The following PTPDC1 variants were observed in gnomAD, a reference collection of about 807,000 sequenced individuals.
PTPDC1 encodes protein tyrosine phosphatase domain-containing protein 1.
In PTPDC1, 53 loss-of-function variants were observed where a neutral mutation model predicts 75.3. The observed-to-expected ratio is 0.70, with a 90% CI of 0.56 to 0.88. PTPDC1 has a LOEUF of 0.88. Ranked by LOEUF, PTPDC1 falls within the 40% of genes least tolerant of loss-of-function variation. The probability of loss-of-function intolerance (pLI) is 0.00; values close to 1 mark genes in which losing one functional copy is unlikely to be tolerated. For missense variants in PTPDC1, 925 were observed against 998.6 expected (o/e 0.93, Z 0.99); for synonymous variants, 349 against 366.2 (o/e 0.95, Z 0.54).
Position 94,034,269 on chromosome 9 carries a change from C to T in PTPDC1, c.-7+3142C>T, listed in dbSNP as rs147734122. Among the ~76,000 whole-genome samples the T allele has an allele frequency of 4.2e-3, 639 of 152,226 alleles. 5 individuals carry two copies. The highest frequency in any genetic ancestry group is 6.6e-3 in the Admixed American group (101 of 15,276). Reference sequence around the variant, plus strand: ...ATTTGTGGCCAAGCACAGTGGTTCACGCCTGTAATTCCAGCACTTTGGGAG... The same window carrying T: ...ATTTGTGGCCAAGCACAGTGGTTCATGCCTGTAATTCCAGCACTTTGGGAG... On this transcript the variant is annotated intron_variant, in intron 1 of 9. Coordinates refer to the PTPDC1 transcript ENST00000375360.
At chr9:94,059,511 T>A (rs1430292889) in intron 1 of PTPDC1, among the ~76,000 whole-genome samples, 2 of 152,092 alleles carry the variant, frequency 1.3e-5, no homozygotes, top group African/African-American at 4.8e-5. Flanking sequence ...ACAGAGATAA[T>A]CAGAAGACAA....
At chr9:94,091,773 T>G (rs1271194835) in intron 4 of PTPDC1, among the ~76,000 whole-genome samples, 1 of 152,194 alleles carries the variant, frequency 6.6e-6, no homozygotes, top group Non-Finnish European at 1.5e-5. Flanking sequence ...CTGTTATTGG[T>G]CTATTCAGAG....
At chr9:94,088,027 T>G in intron 3 of PTPDC1, 116 bp downstream of exon 3, 1 of 1,461,036 alleles carries the variant, frequency 6.8e-7, no homozygotes. Context: ...GAAGAGTGTA[T>G]TTCAAATGAG....
At chr9:94,057,224 A>G (rs894596131) in intron 1 of PTPDC1, among the ~76,000 whole-genome samples, 1 of 151,962 alleles carries the variant, frequency 6.6e-6, no homozygotes, top group Non-Finnish European at 1.5e-5. Context: ...GACTACAGAC[A>G]TGTGCTACCA....
chr9:94,035,646 A>G (rs1387135066), intron 1 of PTPDC1, among the ~76,000 whole-genome samples: 1 of 152,246 alleles, frequency 6.6e-6, no homozygotes, highest in Non-Finnish European at 1.5e-5. Context: ...AAACGTGGGC[A>G]TGCAGACATC....
intron 1 of PTPDC1, among the ~76,000 whole-genome samples, chr9:94,036,480 C>T (rs4744308): frequency 0.57 from 87,225 of 151,856 alleles, 25,418 homozygotes; most frequent in Admixed American, 0.69. Context: ...ACTCTTGGCA[C>T]CTTTGTCAAA....
chr9:94,066,840 G>A (rs969977383), intron 2 of PTPDC1, among the ~76,000 whole-genome samples: 1 of 151,674 alleles, frequency 6.6e-6, no homozygotes, highest in Non-Finnish European at 1.5e-5. Flanking sequence ...TTACAGAAGT[G>A]AGCCACCATG....
At chr9:94,093,516 C>T (rs10821292) in intron 4 of PTPDC1, among the ~76,000 whole-genome samples, 60,538 of 146,796 alleles carry the variant, frequency 0.41, 12,650 homozygotes, top group Admixed American at 0.52. Context: ...CTGCCCTTAA[C>T]ATTTTTTCCT....
In PTPDC1 at chr9:94,105,283, A is replaced by G. The variant is rs1474874733; in HGVS notation, c.2310+898A>G. On this transcript the variant is annotated intron_variant, in intron 8 of 8. Coordinates refer to ENST00000620992, the MANE Select transcript of PTPDC1 (RefSeq NM_001253829.2). ...CTGTTTCCAGAGTCAGTAGTCTCAA[A>G]TCCAAACCGCGTGGTCCTTTACATC... is the stretch of plus-strand genomic sequence containing the variant. 2.6e-5 allele frequency among the ~76,000 whole-genome samples: 4 copies of G among 152,280 alleles called. No individual in the cohort carries two copies. The East Asian group carries it at 7.7e-4, about 29-fold the overall frequency.
intron 1 of PTPDC1, among the ~76,000 whole-genome samples, chr9:94,045,685 A>G (rs1440722430): frequency 6.6e-6 from 1 of 151,986 alleles, no homozygotes; most frequent in Non-Finnish European, 1.5e-5. Flanking sequence ...ACTTTTTGAC[A>G]GGGTTGTTTG....
intron 2 of PTPDC1, among the ~76,000 whole-genome samples, chr9:94,072,521 TA>T (rs1826546006): frequency 6.8e-6 from 1 of 146,188 alleles, no homozygotes; most frequent in South Asian, 2.1e-4. Flanking sequence ...CATATGCTGT[TA>T]TTTTTTTTTT....
At position 94,095,396 on chromosome 9, in the gene PTPDC1, A is replaced by G; in HGVS notation, c.696A>G (p.Thr232=). The change falls in exon 5 of 9, where the codon ACA becomes ACG. Residue 232 remains threonine (T), a synonymous_variant. Transcript: ENST00000620992. The part of the protein sequence containing the change: ...TTILDMVKVM[T]FALQEGKVAI... ...TCCTAGATATGGTGAAGGTGATGAC[A>G]TTTGCCTTACAGGAAGGAAAAGTAG... 1 of 1,613,282 alleles carries G rather than the reference A, an allele frequency of 6.2e-7. No homozygotes were observed. Among genetic ancestry groups the G allele is most frequent in the Non-Finnish European group, 8.5e-7 (1 of 1,179,298 alleles).
intron 1 of PTPDC1, among the ~76,000 whole-genome samples, chr9:94,044,720 C>G (rs1317715063): frequency 5.1e-5 from 5 of 98,366 alleles, no homozygotes; most frequent in Non-Finnish European, 9.2e-5. Context: ...ATCTGCATAC[C>G]TTTCTCTTTT....
upstream of PTPDC1, among the ~76,000 whole-genome samples, chr9:94,083,387 A>G (rs1458238925): frequency 1.3e-5 from 2 of 152,182 alleles, no homozygotes; most frequent in Non-Finnish European, 2.9e-5. Flanking sequence ...CTTATTCGAC[A>G]AAAGTGCACA....
chr9:94,061,967 T>C (rs1826156287), intron 1 of PTPDC1, among the ~76,000 whole-genome samples: 1 of 152,242 alleles, frequency 6.6e-6, no homozygotes, highest in South Asian at 2.1e-4. Flanking sequence ...TGGACTTTTC[T>C]TTTCTACCAC....
chr9:94,096,693 G>T (rs1245417135), intron 5 of PTPDC1, among the ~76,000 whole-genome samples: 2 of 152,034 alleles, frequency 1.3e-5, no homozygotes, highest in Admixed American at 6.6e-5. Flanking sequence ...TGGAAAAATA[G>T]AATTATATCA....
intron 2 of PTPDC1, among the ~76,000 whole-genome samples, chr9:94,068,589 C>A (rs1267253910): frequency 6.6e-6 from 1 of 152,170 alleles, no homozygotes. Context: ...ATAAATTATT[C>A]TTTCTCCCCT....
chr9:94,064,834 T>A (rs1035379049), intron 2 of PTPDC1: 3 of 1,593,276 alleles, frequency 1.9e-6, no homozygotes, highest in Non-Finnish European at 2.6e-6. Context: ...AATGTCTCTT[T>A]AATACACTTT....
chr9:94,084,232 G>A (rs1377934947), upstream of PTPDC1, among the ~76,000 whole-genome samples: 1 of 152,154 alleles, frequency 6.6e-6, no homozygotes, highest in Non-Finnish European at 1.5e-5. Context: ...TCTTTGGTTA[G>A]ATATTTTAAG....
Sources: gnomAD v4.1 joint callset for allele counts (sites outside exome capture counted in the v4.1 genomes callset) on GRCh38, gnomAD v4.1.1 for gene constraint, MANE v1.5 for transcripts, NCBI Gene and HGNC (gene_info 2026-07-23, HGNC 2026-07-21) for gene names.